The following ARHGEF3 variants were observed in gnomAD, a reference collection of about 807,000 sequenced individuals.
ARHGEF3 encodes the protein 59.8 kDA protein.
In ARHGEF3, 28 loss-of-function variants were observed where a neutral mutation model predicts 63.2. The ratio of observed to expected loss-of-function variants is 0.44; its 90% CI spans 0.33 to 0.61. The LOEUF is 0.61. Ranked by LOEUF, ARHGEF3 falls within the 20% of genes least tolerant of loss-of-function variation. The probability of loss-of-function intolerance (pLI) is 0.03; values close to 1 mark genes in which losing one functional copy is unlikely to be tolerated. For missense variants in ARHGEF3, 533 were observed against 659.3 expected (o/e 0.81, Z 2.10); for synonymous variants, 266 against 254.2 (o/e 1.05, Z -0.44).
intron 3 of ARHGEF3, among the ~76,000 whole-genome samples, chr3:56,925,820 A>AAGGACAGTGC (rs1454060417): frequency 6.6e-6 from 1 of 152,184 alleles, no homozygotes; most frequent in African/African-American, 2.4e-5. Flanking sequence ...GCAGGCACCA[A>AAGGACAGTGC]AGCCACAGGA....
chr3:57,067,773 A>C (rs1051248953), intron 1 of ARHGEF3, among the ~76,000 whole-genome samples: 83 of 151,130 alleles, frequency 5.5e-4, no homozygotes, highest in African/African-American at 2.0e-3. Flanking sequence ...TGAGGTCAGG[A>C]GATCGAGACC....
chr3:57,012,168 G>A (rs539713608), intron 2 of ARHGEF3, among the ~76,000 whole-genome samples: 2 of 152,282 alleles, frequency 1.3e-5, no homozygotes, highest in South Asian at 4.1e-4. Flanking sequence ...TTACAACAAT[G>A]CAATCACAAT....
chr3:56,742,763 C>A (rs991635865), intron 7 of ARHGEF3, among the ~76,000 whole-genome samples: 6 of 152,186 alleles, frequency 3.9e-5, no homozygotes, highest in Non-Finnish European at 8.8e-5. Flanking sequence ...ATGTTTCATG[C>A]ACAGATCTGC....
chr3:56,795,204 C>G (rs574643418), intron 1 of ARHGEF3, among the ~76,000 whole-genome samples: 1 of 152,240 alleles, frequency 6.6e-6, no homozygotes, highest in Admixed American at 6.5e-5. Flanking sequence ...AGAGGGCCAA[C>G]TGTATACAAC....
intron 2 of ARHGEF3, among the ~76,000 whole-genome samples, chr3:56,975,197 C>G (rs566569544): frequency 6.6e-6 from 1 of 152,240 alleles, no homozygotes; most frequent in Admixed American, 6.5e-5. Context: ...GCAGGCGGAT[C>G]ATTTGAGGTC....
chr3:56,828,588 A>G (rs1213439339), intron 4 of ARHGEF3, among the ~76,000 whole-genome samples: 2 of 152,164 alleles, frequency 1.3e-5, no homozygotes, highest in African/African-American at 2.4e-5. Context: ...TCATTATACT[A>G]TATCAACCTG....
At chr3:56,775,678 A>G in intron 1 of ARHGEF3, 3 of 985,904 alleles carry the variant, frequency 3.0e-6, no homozygotes, top group Non-Finnish European at 3.6e-6. Flanking sequence ...AATGCCCTTC[A>G]GGATGCTCCC....
At chr3:57,010,451 A>G (rs1218008750) in intron 2 of ARHGEF3, among the ~76,000 whole-genome samples, 4 of 142,706 alleles carry the variant, frequency 2.8e-5, no homozygotes, top group Admixed American at 7.0e-5. Flanking sequence ...ACGAGACTCC[A>G]TCTCAAAAAA....
rs182315195 is a variant in ARHGEF3, at chr3:56,742,214, G to A, written c.870+2991C>T. 2.6e-5 allele frequency among the ~76,000 whole-genome samples: 4 copies of A among 152,012 alleles called. No homozygotes were observed. In the East Asian group the frequency reaches 7.7e-4, roughly 29 times the overall value. On this transcript the variant is annotated intron_variant, in intron 7 of 9. Coordinates refer to ENST00000296315, the MANE Select transcript of ARHGEF3 (RefSeq NM_019555.3). ...AGGAGTTGAGAAATAGTGGTGAGGT[G>A]GGGGGAAGGGATGCTCTGCAGGATC...
At chr3:56,985,008 T>C (rs1033116003) in intron 2 of ARHGEF3, among the ~76,000 whole-genome samples, 1 of 152,228 alleles carries the variant, frequency 6.6e-6, no homozygotes, top group Non-Finnish European at 1.5e-5. Flanking sequence ...TAAAAGATGG[T>C]AGTTTTTTCA....
intron 4 of ARHGEF3, among the ~76,000 whole-genome samples, chr3:56,834,743 T>C (rs9857185): frequency 0.49 from 67,105 of 138,284 alleles, 16,056 homozygotes; most frequent in South Asian, 0.65. Flanking sequence ...AGACTCTGAC[T>C]TACAAAAAAA....
intron 2 of ARHGEF3, among the ~76,000 whole-genome samples, chr3:56,963,226 C>G (rs973245354): frequency 6.6e-6 from 1 of 152,072 alleles, no homozygotes; most frequent in African/African-American, 2.4e-5. Context: ...AAATGGCTAG[C>G]AGGGAGTCTG....
chr3:56,904,923 C>T (rs1316460765), intron 3 of ARHGEF3, among the ~76,000 whole-genome samples: 3 of 152,214 alleles, frequency 2.0e-5, no homozygotes, highest in Admixed American at 1.3e-4. Flanking sequence ...ACTCACAAAA[C>T]CTCTCCCATC....
intron 1 of ARHGEF3, among the ~76,000 whole-genome samples, chr3:57,061,260 T>A (rs751791243): frequency 3.2e-4 from 48 of 152,240 alleles, no homozygotes; most frequent in Non-Finnish European, 5.0e-4. Flanking sequence ...CTTTCATGGA[T>A]CAGCATGTTG....
At chr3:56,731,122 A>AG (rs1201948314) in intron 9 of ARHGEF3, among the ~76,000 whole-genome samples, 1 of 152,238 alleles carries the variant, frequency 6.6e-6, no homozygotes, top group Non-Finnish European at 1.5e-5. Context: ...CTCCTAGGGT[A>AG]GAGGGATTGA....
chr3:56,961,370 C>T (rs1225255363), intron 2 of ARHGEF3, among the ~76,000 whole-genome samples: 1 of 152,128 alleles, frequency 6.6e-6, no homozygotes, highest in Admixed American at 6.6e-5. Flanking sequence ...AGAAGTCACA[C>T]AGCTATTTGG....
intron 2 of ARHGEF3, among the ~76,000 whole-genome samples, chr3:56,981,973 C>A (rs1316223302): frequency 6.6e-6 from 1 of 152,212 alleles, no homozygotes. Context: ...GGCATGTAAC[C>A]TGGCCTGTTC....
chr3:57,002,462 C>CTATATATA (rs1165862414), intron 2 of ARHGEF3, among the ~76,000 whole-genome samples: 1,116 of 38,640 alleles, frequency 0.029, 104 homozygotes, highest in African/African-American at 0.09. Context: ...GTTCTAAGCA[C>CTATATATA]TATATATATA....
At chr3:56,792,143 G>T (rs1018878784) in intron 1 of ARHGEF3, among the ~76,000 whole-genome samples, 3 of 143,022 alleles carry the variant, frequency 2.1e-5, no homozygotes, top group Non-Finnish European at 3.0e-5. Context: ...GAAAAGAAAA[G>T]AAAATAACTG....
Sources: gnomAD v4.1 joint callset for allele counts (sites outside exome capture counted in the v4.1 genomes callset) on GRCh38, gnomAD v4.1.1 for gene constraint, MANE v1.5 for transcripts, NCBI Gene and HGNC (gene_info 2026-07-23, HGNC 2026-07-21) for gene names.